The following ADAR variants were observed in gnomAD, a reference collection of about 807,000 sequenced individuals.
ADAR encodes the protein adenosine deaminase RNA specific.
In ADAR, 41 loss-of-function variants were observed where a neutral mutation model predicts 113.2. That is an observed-to-expected ratio of 0.36 (90% CI 0.28 to 0.47). ADAR has a LOEUF of 0.47. Ranked by LOEUF, ADAR falls within the 20% of genes least tolerant of loss-of-function variation. The pLI is 1.00. For missense variants in ADAR, 1,242 were observed against 1,540.9 expected, an observed-to-expected ratio of 0.81 and a Z score of 3.25; for synonymous variants, 605 against 572.6, an observed-to-expected ratio of 1.06 and a Z score of -0.81.
rs777062867 is a variant in ADAR at position 154,602,145 on chromosome 1, C to T, written c.497G>A (p.Gly166Glu). The change falls in exon 2 of 15, where the codon GGG becomes GAG. Residue 166 changes from glycine to glutamate, a missense_variant. By Grantham distance (98) the Gly-to-Glu change is moderately conservative. Transcript: ENST00000368474. ...TTAHDLSGKL[G>E]TPKKEINRVL... Reference sequence around the variant, plus strand: ...TCGATTGATTTCTTTCTTCGGAGTCCCAAGTTTCCCAGACAGATCATGTGC... The same window carrying T: ...TCGATTGATTTCTTTCTTCGGAGTCTCAAGTTTCCCAGACAGATCATGTGC... 1 of 1,614,182 alleles carries T rather than the reference C, an allele frequency of 6.2e-7. No individual in the cohort carries two copies. The highest frequency in any genetic ancestry group is 2.2e-5 in the East Asian group (1 of 44,892).
chr1:154,600,972 G>T, intron 2 of ADAR, 69 bp downstream of exon 2: 1 of 1,603,316 alleles, frequency 6.2e-7, no homozygotes, highest in South Asian at 1.1e-5. Flanking sequence ...TCACAAATCA[G>T]CCAAGACTGC....
At chr1:154,590,920 C>T (rs1031435903) in intron 6 of ADAR, among the ~76,000 whole-genome samples, 6 of 152,042 alleles carry the variant, frequency 3.9e-5, no homozygotes, top group African/African-American at 1.2e-4. Context: ...TATCACTGCA[C>T]TCCAGCCTGC....
chr1:154,623,983 C>CGA (rs764617668), intron 1 of ADAR, among the ~76,000 whole-genome samples: 2 of 145,342 alleles, frequency 1.4e-5, no homozygotes, highest in Non-Finnish European at 3.0e-5. Flanking sequence ...AGCCTGGGGG[C>CGA]GACAGAGCAA....
chr1:154,589,355 C>T lies in ADAR; in HGVS notation c.2762+14G>A. On this transcript the variant is annotated intron_variant, in intron 9 of 14. Coordinates refer to ENST00000368474, the MANE Select transcript of ADAR (RefSeq NM_001111.5). ...ACAGCCGGGCAGCCGGGCCACAGCT[C>T]TGACCTCGCTCACCTGATGAAGCCT... 1.2e-6 allele frequency: 2 copies of T among 1,612,472 alleles called. No homozygotes were observed. Among genetic ancestry groups the T allele is most frequent in the South Asian group, 1.1e-5 (1 of 91,036 alleles).
At chr1:154,592,831 C>T (rs1001952663) in intron 6 of ADAR, among the ~76,000 whole-genome samples, 2 of 151,540 alleles carry the variant, frequency 1.3e-5, no homozygotes, top group Non-Finnish European at 2.9e-5. Context: ...GAGTGGTCTC[C>T]AGCATTTAGA....
At chr1:154,623,542 C>CTTCCCCATCCCATAA (rs1698851764) in intron 1 of ADAR, among the ~76,000 whole-genome samples, 1 of 152,182 alleles carries the variant, frequency 6.6e-6, no homozygotes, top group South Asian at 2.1e-4. Flanking sequence ...AGGTTATGGA[C>CTTCCCCATCCCATAA]GGGCAGTTTA....
Position 154,585,884 on chromosome 1 carries a change from A to G in ADAR, c.3203-19T>C. On this transcript the variant is annotated intron_variant, in intron 12 of 14. Coordinates refer to ENST00000368474, the MANE Select transcript of ADAR (RefSeq NM_001111.5). ...AGGTAACCTGAGTACAAAAAAGAGA[A>G]ACATATATACCTGTGTTTGCACCAA... The G allele has an allele frequency of 6.3e-7, 1 of 1,597,004 alleles. No homozygotes were observed. The highest frequency in any genetic ancestry group is 1.1e-5 in the South Asian group (1 of 90,324).
In ADAR at chr1:154,622,901, A is replaced by G. The variant is rs1189587853; in HGVS notation, c.-871+4954T>C. On this transcript the variant is annotated intron_variant, in intron 1 of 14. Coordinates refer to the ADAR transcript ENST00000368471. ...CTCAAGGTAGTTTTGTTTTGCTTTG[A>G]TCAAAGAAAATTCCTTTCCACATTG... Among the ~76,000 whole-genome samples the G allele has an allele frequency of 5.2e-5, 4 of 76,544 alleles. No individual in the cohort carries two copies. In the East Asian group the frequency reaches 1.5e-3, roughly 29 times the overall value. The allele number at this position is 76,544 out of a possible 152,430, so 50.2% of individuals were successfully genotyped here.
chr1:154,590,432 T>C (rs1457462637), intron 6 of ADAR, 23 bp from the exon 7 acceptor site: 1 of 1,607,612 alleles, frequency 6.2e-7, no homozygotes, highest in Non-Finnish European at 8.5e-7. Flanking sequence ...AAACAGAGAA[T>C]GAAGACAAGT....
chr1:154,585,260 AGC>A lies in ADAR; in HGVS notation c.3398_3399del (p.Gly1133ValfsTer2). 6.2e-7 allele frequency: 1 copy of A among 1,614,182 alleles called. No homozygotes were observed. The highest frequency in any genetic ancestry group is 8.5e-7 in the Non-Finnish European group (1 of 1,180,028). Reference protein sequence around the residue: ...ETSVNWCLADGYDLEILDGTR... With the variant: ...ETSVNWCLADXYDLEILDGTR... ...GTACCGTCCAGGATCTCCAGGTCAT[AGC>A]CATCAGCCAGACACCAGTTGACGCT... On this transcript the variant is annotated frameshift_variant, in exon 14 of 15. Transcript: ENST00000368474. LOFTEE classifies it high-confidence loss of function.
chr1:154,595,754 T>C (rs1398342795), intron 6 of ADAR, among the ~76,000 whole-genome samples: 1 of 152,134 alleles, frequency 6.6e-6, no homozygotes, highest in African/African-American at 2.4e-5. Context: ...AAGTGAACAG[T>C]GTTTACAAAG....
chr1:154,625,334 A>C (rs147873263), intron 1 of ADAR, among the ~76,000 whole-genome samples: 1 of 152,332 alleles, frequency 6.6e-6, no homozygotes, highest in East Asian at 1.9e-4. Flanking sequence ...TAGCCTGATG[A>C]GCAAGGGCAA....
chr1:154,588,684 A>C lies in ADAR; in HGVS notation c.2763-11T>G. 1 of 1,614,194 alleles carries C rather than the reference A, an allele frequency of 6.2e-7. No individual in the cohort carries two copies. The highest frequency in any genetic ancestry group is 8.5e-7 in the Non-Finnish European group (1 of 1,180,030). On this transcript the variant is annotated splice_polypyrimidine_tract_variant and intron_variant, in intron 9 of 14. Transcript: ENST00000368474. ...TCACTGTAGAGAAACCTACAAAAAG[A>C]AAGTCTGGTTAGGAAGGCAGGTTCA...
At chr1:154,620,862 T>C (rs1698773999) in intron 1 of ADAR, among the ~76,000 whole-genome samples, 1 of 152,148 alleles carries the variant, frequency 6.6e-6, no homozygotes, top group Non-Finnish European at 1.5e-5. Flanking sequence ...GAGATACACA[T>C]AGTTATGCTC....
chr1:154,585,724 T>C (rs1696714710), intron 13 of ADAR, 29 bp downstream of exon 13: 3 of 1,571,204 alleles, frequency 1.9e-6, no homozygotes, highest in Non-Finnish European at 2.6e-6. Context: ...GAGGAAAATG[T>C]CAGGGAAAAT....
chr1:154,596,674 G>C (rs1697516428), intron 6 of ADAR, 131 bp downstream of exon 6: 1 of 979,664 alleles, frequency 1.0e-6, no homozygotes, highest in Middle Eastern at 3.0e-4. Context: ...AGGCCGTGGA[G>C]ACAGGGCTGG....
chr1:154,607,760 A>G (rs1164859456), intron 1 of ADAR, among the ~76,000 whole-genome samples: 1 of 150,924 alleles, frequency 6.6e-6, no homozygotes, highest in East Asian at 1.9e-4. Flanking sequence ...CACTCTCACA[A>G]GACGCACAAA....
chr1:154,585,152 G>T (rs970217979), intron 14 of ADAR, 65 bp downstream of exon 14: 1 of 1,613,732 alleles, frequency 6.2e-7, no homozygotes, highest in African/African-American at 1.3e-5. Context: ...GACTGCAGAG[G>T]TATGATGCAC....
In ADAR at chr1:154,589,406, A is replaced by T; in HGVS notation, c.2725T>A (p.Cys909Ser). 1 of 1,614,224 alleles carries T rather than the reference A, an allele frequency of 6.2e-7. No individual in the cohort carries two copies. Among genetic ancestry groups the T allele is most frequent in the South Asian group, 1.1e-5 (1 of 91,084 alleles). The part of the protein sequence containing the change: ...LSLKGETVND[C>S]HAEIISRRGF... ...CTCCGGGAGATTATTTCTGCATGGC[A>T]GTCATTGACAGTTTCTCCTTTTAGG... is the stretch of plus-strand genomic sequence containing the variant. The change falls in exon 9 of 15, where the codon TGC becomes AGC. Residue 909 changes from cysteine to serine, a missense_variant. Coordinates refer to ENST00000368474, the MANE Select transcript of ADAR (RefSeq NM_001111.5).
Sources: allele counts gnomAD v4.1 joint callset (sites outside exome capture counted in the v4.1 genomes callset), GRCh38; gene constraint gnomAD v4.1.1; transcripts MANE v1.5; gene names NCBI Gene and HGNC (gene_info 2026-07-23, HGNC 2026-07-21).